Variants in LHFPL3 observed in about 807,000 individuals in gnomAD.
LHFPL3 encodes LHFPL tetraspan subfamily member 3 protein.
LHFPL3 carries 5 observed loss-of-function variants against 19.3 expected under a neutral mutation model. The observed-to-expected ratio is 0.26, with a 90% CI of 0.14 to 0.54. The LOEUF (loss-of-function observed/expected upper bound fraction) is 0.54. LHFPL3 is among the 20% of genes least tolerant of loss of function. The probability of loss-of-function intolerance (pLI) is 0.94; values close to 1 mark genes in which losing one functional copy is unlikely to be tolerated. For missense variants in LHFPL3, 249 were observed against 307.4 expected, an observed-to-expected ratio of 0.81 and a Z score of 1.42; for synonymous variants, 133 against 126.2, an observed-to-expected ratio of 1.05 and a Z score of -0.36.
intron 1 of LHFPL3, among the ~76,000 whole-genome samples, chr7:104,666,512 CTTTTTTTTTTTTTTTT>C (rs71155514): frequency 2.4e-5 from 1 of 42,212 alleles, no homozygotes; most frequent in Non-Finnish European, 4.5e-5. Flanking sequence ...GGATTTCATT[CTTTTTTTTTTTTTTTT>C]TTTTTTTTTT....
At chr7:104,415,892 C>T (rs1340773346) in intron 1 of LHFPL3, among the ~76,000 whole-genome samples, 4 of 152,154 alleles carry the variant, frequency 2.6e-5, no homozygotes, top group Admixed American at 6.5e-5. Flanking sequence ...AGTGTAAGGA[C>T]GTCTCACTGC....
At chr7:104,456,637 G>T (rs935822569) in intron 1 of LHFPL3, among the ~76,000 whole-genome samples, 9 of 152,074 alleles carry the variant, frequency 5.9e-5, no homozygotes, top group African/African-American at 2.2e-4. Flanking sequence ...CTTAAATGAC[G>T]CACTTCATGG....
intron 1 of LHFPL3, among the ~76,000 whole-genome samples, chr7:104,693,038 AC>A (rs1053346689): frequency 6.6e-6 from 1 of 152,236 alleles, no homozygotes; most frequent in African/African-American, 2.4e-5. Flanking sequence ...GTGAGAGCCC[AC>A]CTGTTGCATC....
rs796165988 is a variant in LHFPL3 at position 104,559,587 on chromosome 7, C to T, written c.446-177088C>T. Among the ~76,000 whole-genome samples, 117 of 152,104 alleles carry T rather than the reference C, an allele frequency of 7.7e-4. No homozygotes were observed. In the South Asian group the frequency reaches 0.012, roughly 16 times the overall value. On this transcript the variant is annotated intron_variant, in intron 1 of 2. Transcript: ENST00000424859. ...AGCTTAAGGAGATTTTGGGCTGAGA[C>T]GATGGGGTTTTATAGATATACAATC...
At chr7:104,852,022 T>A (rs1021604705) in intron 2 of LHFPL3, among the ~76,000 whole-genome samples, 3 of 152,040 alleles carry the variant, frequency 2.0e-5, no homozygotes, top group African/African-American at 7.2e-5. Context: ...CATGCTTCTG[T>A]TACTTCCACC....
At chr7:104,398,045 C>T (rs4730006) in intron 1 of LHFPL3, among the ~76,000 whole-genome samples, 58,408 of 150,812 alleles carry the variant, frequency 0.39, 11,710 homozygotes, top group Admixed American at 0.5. Context: ...TGGGTATTAT[C>T]TTCTATGCAT....
chr7:104,687,825 G>T (rs1792835001), intron 1 of LHFPL3, among the ~76,000 whole-genome samples: 1 of 152,142 alleles, frequency 6.6e-6, no homozygotes, highest in Admixed American at 6.5e-5. Flanking sequence ...GAGAAAAGGG[G>T]AATGAGAATC....
intron 1 of LHFPL3, among the ~76,000 whole-genome samples, chr7:104,649,591 G>A (rs1188016610): frequency 6.6e-6 from 1 of 152,172 alleles, no homozygotes. Context: ...AGGTGGACGG[G>A]GCCAAACCAT....
intron 1 of LHFPL3, among the ~76,000 whole-genome samples, chr7:104,541,103 GACACACACACAC>G (rs58831498): frequency 0.011 from 1,538 of 134,622 alleles, 30 homozygotes; most frequent in African/African-American, 0.04. Context: ...TCCTCCCCAT[GACACACACACAC>G]ACACACACAC....
intron 2 of LHFPL3, among the ~76,000 whole-genome samples, chr7:104,824,817 G>T (rs1790784712): frequency 1.7e-5 from 2 of 117,218 alleles, no homozygotes; most frequent in African/African-American, 6.7e-5. Flanking sequence ...TATATATAAT[G>T]ATATATTATA....
chr7:104,409,440 CTT>C (rs1584300204), intron 1 of LHFPL3, among the ~76,000 whole-genome samples: 1 of 151,882 alleles, frequency 6.6e-6, no homozygotes, highest in Non-Finnish European at 1.5e-5. Flanking sequence ...GAAGAATAGA[CTT>C]TTTGAAAAAT....
rs559346968 is a variant in LHFPL3 at position 104,548,312 on chromosome 7, A to AG, written c.446-188362dup. Among the ~76,000 whole-genome samples the AG allele has an allele frequency of 3.9e-3, 599 of 152,314 alleles. 3 individuals carry two copies. The highest frequency in any genetic ancestry group is 0.013 in the African/African-American group (541 of 41,582). On this transcript the variant is annotated intron_variant, in intron 1 of 2. Coordinates refer to ENST00000424859, the MANE Select transcript of LHFPL3 (RefSeq NM_199000.3). ...CTGTGTTCAATAAAATGAAAGTAAG[A>AG]GAAAAAAAGTAACAAATGGAGAGTT...
intron 1 of LHFPL3, among the ~76,000 whole-genome samples, chr7:104,498,429 C>G (rs1007275154): frequency 6.6e-6 from 1 of 151,954 alleles, no homozygotes; most frequent in African/African-American, 2.4e-5. Context: ...AACATTTAAT[C>G]GCCAGTGAAT....
intron 1 of LHFPL3, among the ~76,000 whole-genome samples, chr7:104,497,056 A>C (rs747360813): frequency 6.6e-6 from 1 of 152,182 alleles, no homozygotes; most frequent in Admixed American, 6.5e-5. Flanking sequence ...CACCAGGAGA[A>C]ATCATTCCTT....
chr7:104,543,157 G>C (rs777596795), intron 1 of LHFPL3, among the ~76,000 whole-genome samples: 2 of 152,146 alleles, frequency 1.3e-5, no homozygotes, highest in African/African-American at 2.4e-5. Flanking sequence ...CTGACAGGGG[G>C]TGAGGGGTCC....
At chr7:104,594,908 C>T (rs1287570344) in intron 1 of LHFPL3, among the ~76,000 whole-genome samples, 4 of 152,206 alleles carry the variant, frequency 2.6e-5, no homozygotes, top group African/African-American at 9.6e-5. Flanking sequence ...AAGGTCTTCC[C>T]TACACTGTTT....
chr7:104,670,618 G>A (rs1183472657), intron 1 of LHFPL3, among the ~76,000 whole-genome samples: 1 of 152,078 alleles, frequency 6.6e-6, no homozygotes, highest in Non-Finnish European at 1.5e-5. Flanking sequence ...CAAGCAAATC[G>A]GTTTCTTGAT....
intron 1 of LHFPL3, among the ~76,000 whole-genome samples, chr7:104,431,321 T>C (rs182908558): frequency 6.6e-6 from 1 of 152,312 alleles, no homozygotes; most frequent in East Asian, 1.9e-4. Context: ...ATTCTATTCA[T>C]TTTTATAAAA....
intron 2 of LHFPL3, among the ~76,000 whole-genome samples, chr7:104,880,967 A>G (rs554851616): frequency 3.4e-4 from 52 of 152,176 alleles, no homozygotes; most frequent in South Asian, 8.3e-4. Flanking sequence ...TCAGGAGATC[A>G]AGACCTTCCT....
Sources: allele counts gnomAD v4.1 joint callset (sites outside exome capture counted in the v4.1 genomes callset), GRCh38; gene constraint gnomAD v4.1.1; transcripts MANE v1.5; gene names NCBI Gene and HGNC (gene_info 2026-07-23, HGNC 2026-07-21).